Variants in MALRD1 observed in about 807,000 individuals in gnomAD.
MALRD1 encodes MAM and LDL receptor class A domain containing 1.
In MALRD1, 247 loss-of-function variants were observed where a neutral mutation model predicts 242.1. The observed-to-expected ratio is 1.02, with a 90% CI of 0.92 to 1.13. The LOEUF is 1.13. Among genes scored for constraint, MALRD1 ranks in the 50% most tolerant of loss-of-function variants. MALRD1 has a pLI of 0.00. For missense variants in MALRD1, 2,989 were observed against 2,533.1 expected (o/e 1.18, Z -3.86); for synonymous variants, 995 against 866.6 (o/e 1.15, Z -2.60).
At chr10:19,297,620 A>G (rs972111404) in intron 21 of MALRD1, among the ~76,000 whole-genome samples, 3 of 151,972 alleles carry the variant, frequency 2.0e-5, no homozygotes, top group African/African-American at 7.2e-5. Flanking sequence ...TGTATGCCCT[A>G]TGAAATATTA....
intron 26 of MALRD1, among the ~76,000 whole-genome samples, chr10:19,370,479 C>T (rs922757868): frequency 3.9e-5 from 6 of 151,970 alleles, no homozygotes; most frequent in Admixed American, 2.0e-4. Context: ...TTAATGTTAT[C>T]GTTAAGTCAT....
chr10:19,457,978 ATAT>A (rs1269273922), intron 29 of MALRD1, among the ~76,000 whole-genome samples: 1 of 152,104 alleles, frequency 6.6e-6, no homozygotes, highest in Non-Finnish European at 1.5e-5. Flanking sequence ...TTAACTACAA[ATAT>A]TATTTAACTT....
chr10:19,344,657 A>T (rs1844028926), intron 24 of MALRD1, among the ~76,000 whole-genome samples: 1 of 151,386 alleles, frequency 6.6e-6, no homozygotes, highest in Non-Finnish European at 1.5e-5. Flanking sequence ...TATATATTTT[A>T]TAAAAATATA....
intron 5 of MALRD1, among the ~76,000 whole-genome samples, chr10:19,116,132 G>A (rs1216029939): frequency 2.0e-5 from 3 of 150,824 alleles, no homozygotes; most frequent in Non-Finnish European, 3.0e-5. Context: ...TAGCTAGTAT[G>A]AAAAAAAAAT....
intron 33 of MALRD1, among the ~76,000 whole-genome samples, chr10:19,594,475 C>G (rs989736315): frequency 6.6e-6 from 1 of 152,136 alleles, no homozygotes; most frequent in Non-Finnish European, 1.5e-5. Context: ...ATTCAGCAAT[C>G]TCACTACTGG....
intron 5 of MALRD1, among the ~76,000 whole-genome samples, chr10:19,112,106 G>A (rs574260860): frequency 6.6e-6 from 1 of 151,732 alleles, no homozygotes; most frequent in Non-Finnish European, 1.5e-5. Context: ...TGATAGATGG[G>A]AATCACTGTA....
At chr10:19,170,012 A>G (rs980367864) in intron 13 of MALRD1, among the ~76,000 whole-genome samples, 6 of 152,210 alleles carry the variant, frequency 3.9e-5, no homozygotes, top group Non-Finnish European at 2.9e-5. Context: ...TTTGATGTCA[A>G]TTGTAGACAA....
At chr10:19,694,559 A>G (rs1833278661) in intron 38 of MALRD1, among the ~76,000 whole-genome samples, 1 of 152,242 alleles carries the variant, frequency 6.6e-6, no homozygotes, top group Non-Finnish European at 1.5e-5. Context: ...CGATCATTAA[A>G]AAGTCAGGAA....
intron 18 of MALRD1, among the ~76,000 whole-genome samples, chr10:19,231,638 A>T (rs1246135701): frequency 6.6e-6 from 1 of 152,102 alleles, no homozygotes; most frequent in Non-Finnish European, 1.5e-5. Context: ...CTCTGCTACC[A>T]TTTAAGATGT....
chr10:19,665,821 TC>T (rs1378987662), intron 36 of MALRD1, among the ~76,000 whole-genome samples: 1 of 152,110 alleles, frequency 6.6e-6, no homozygotes. Context: ...TTTCTTTGTG[TC>T]CCTTGGATCT....
rs1257914861 is a variant in MALRD1, at chr10:19,578,575, TCAA to T, written c.5680+10874_5680+10876del. Among the ~76,000 whole-genome samples the T allele has an allele frequency of 1.2e-4, 19 of 152,138 alleles. No individual in the cohort carries two copies. The South Asian group carries it at 3.7e-3, about 30-fold the overall frequency. On this transcript the variant is annotated intron_variant, in intron 33 of 39. Transcript: ENST00000454679. ...AATGTGGTGGCGCATGCCTGTAATC[TCAA>T]CTACTTGGGAAGATGAGGCAGAAGA...
intron 21 of MALRD1, among the ~76,000 whole-genome samples, chr10:19,291,929 G>A: frequency 6.6e-6 from 1 of 151,268 alleles, no homozygotes; most frequent in Non-Finnish European, 1.5e-5. Context: ...TATTAAAAAT[G>A]CAAAAAATTA....
chr10:19,139,662 T>C (rs896706589), intron 10 of MALRD1, among the ~76,000 whole-genome samples: 1 of 152,240 alleles, frequency 6.6e-6, no homozygotes, highest in African/African-American at 2.4e-5. Flanking sequence ...TTTTAATATA[T>C]GGCATAACAT....
At chr10:19,645,174 A>G (rs1194032787) in intron 36 of MALRD1, among the ~76,000 whole-genome samples, 3 of 152,192 alleles carry the variant, frequency 2.0e-5, no homozygotes, top group Admixed American at 1.3e-4. Context: ...CAAAACCGCA[A>G]TGAGATACCA....
chr10:19,281,522 T>G (rs537844623), intron 20 of MALRD1, among the ~76,000 whole-genome samples: 3 of 152,364 alleles, frequency 2.0e-5, no homozygotes, highest in East Asian at 3.9e-4. Context: ...TCAAATAGTT[T>G]TTATAATTTT....
intron 33 of MALRD1, among the ~76,000 whole-genome samples, chr10:19,587,450 C>T (rs1034205174): frequency 2.0e-5 from 3 of 152,186 alleles, no homozygotes; most frequent in Non-Finnish European, 4.4e-5. Context: ...TCAAAACAGA[C>T]AATTTTCCTT....
intron 29 of MALRD1, among the ~76,000 whole-genome samples, chr10:19,475,907 A>G (rs116395933): frequency 1.6e-3 from 240 of 152,300 alleles, no homozygotes; most frequent in African/African-American, 5.5e-3. Flanking sequence ...CTAAAACCTC[A>G]TGTTTGGGAA....
intron 30 of MALRD1, 62 bp downstream of exon 30, chr10:19,491,707 G>A: frequency 1.3e-6 from 2 of 1,500,712 alleles, no homozygotes; most frequent in South Asian, 1.2e-5. Context: ...CATAAGTAGA[G>A]TTAGATATTG....
chr10:19,489,134 C>A, intron 29 of MALRD1: 1 of 466,722 alleles, frequency 2.1e-6, no homozygotes, highest in Non-Finnish European at 4.4e-6. Flanking sequence ...GAAGGGGCCG[C>A]CACAGGAAAA....
Sources: allele counts gnomAD v4.1 joint callset (sites outside exome capture counted in the v4.1 genomes callset), GRCh38; gene constraint gnomAD v4.1.1; transcripts MANE v1.5; gene names NCBI Gene and HGNC (gene_info 2026-07-23, HGNC 2026-07-21).